The following PLAC8 variants were observed in gnomAD, a reference collection of about 807,000 sequenced individuals.
PLAC8 encodes placenta-specific gene 8 protein.
In PLAC8, 6 loss-of-function variants were observed where a neutral mutation model predicts 12.6. The observed-to-expected ratio is 0.48, with a 90% CI of 0.26 to 0.94. The LOEUF is 0.94. Ranked by LOEUF, PLAC8 falls within the 40% of genes least tolerant of loss-of-function variation. The probability of loss-of-function intolerance (pLI) is 0.14; values close to 1 mark genes in which losing one functional copy is unlikely to be tolerated. For synonymous variants in PLAC8, 54 were observed against 52.6 expected (o/e 1.03, Z -0.11); for missense variants, 122 against 152.7 (o/e 0.80, Z 1.06).
intron 1 of PLAC8, among the ~76,000 whole-genome samples, chr4:83,109,439 AAAG>A (rs1378746481): frequency 2.6e-5 from 4 of 152,184 alleles, no homozygotes; most frequent in Non-Finnish European, 4.4e-5. Context: ...ATTTTCTGCA[AAAG>A]AAGGTTCCAG....
At chr4:83,112,224 A>C (rs931356150) in intron 1 of PLAC8, among the ~76,000 whole-genome samples, 1 of 141,992 alleles carries the variant, frequency 7.0e-6, no homozygotes, top group Admixed American at 7.0e-5. Context: ...ATATGTATAT[A>C]TATATATATA....
intron 3 of PLAC8, among the ~76,000 whole-genome samples, chr4:83,101,245 C>G (rs555661642): frequency 6.6e-6 from 1 of 152,010 alleles, no homozygotes; most frequent in Non-Finnish European, 1.5e-5. Flanking sequence ...CTGGGTGTGG[C>G]GGCACGGGCC....
Position 83,107,842 on chromosome 4 carries a change from T to A in PLAC8, c.80A>T (p.Gln27Leu). Residue 27 changes from glutamine (Q) to leucine (L), a missense_variant, in exon 2 of 5, where the codon CAG (glutamine) becomes CTG (leucine). By Grantham distance (113) the Gln-to-Leu change is moderately radical (BLOSUM62 -2). Transcript: ENST00000311507. ...PGPAPQNSNW[Q>L]TGMCDCFSDC... ...GCTGAAACAGTCACACATGCCTGTC[T>A]GCCAGTTGGAGTTCTGGGGGGCCGG... 6.2e-7 allele frequency: 1 copy of A among 1,609,134 alleles called. No homozygotes were observed. The highest frequency in any genetic ancestry group is 8.5e-7 in the Non-Finnish European group (1 of 1,177,146).
Position 83,090,771 on chromosome 4 carries a change from T to C in PLAC8, c.*210A>G, listed in dbSNP as rs1731790925. On this transcript the variant is annotated 3_prime_UTR_variant, in exon 5 of 5. Coordinates refer to ENST00000311507, the MANE Select transcript of PLAC8 (RefSeq NM_016619.3). ...GCCAGGAAATTCGAATTCGATAATATGAAAGCAAGGAGAAACTAAGTTGCA... is the reference window on the plus strand; with the variant it reads ...GCCAGGAAATTCGAATTCGATAATACGAAAGCAAGGAGAAACTAAGTTGCA... 6.6e-6 allele frequency: 1 copy of C among 151,898 alleles called. No individual in the cohort carries two copies. Among genetic ancestry groups the C allele is most frequent in the South Asian group, 2.1e-4 (1 of 4,820 alleles). 9.4% of individuals were successfully genotyped at this position (151,898 alleles called of 1,614,324 possible).
intron 3 of PLAC8, among the ~76,000 whole-genome samples, chr4:83,095,485 T>C (rs1199424555): frequency 6.6e-6 from 1 of 152,190 alleles, no homozygotes; most frequent in Non-Finnish European, 1.5e-5. Context: ...ATTTACTATA[T>C]GACTCAGCTC....
At chr4:83,112,255 A>C (rs1732442966) in intron 1 of PLAC8, among the ~76,000 whole-genome samples, 1 of 148,874 alleles carries the variant, frequency 6.7e-6, no homozygotes, top group Non-Finnish European at 1.5e-5. Context: ...CTGTATCTCA[A>C]ATATCCATAT....
intron 3 of PLAC8, among the ~76,000 whole-genome samples, chr4:83,095,865 A>T (rs1039937034): frequency 4.6e-5 from 7 of 152,238 alleles, no homozygotes. Flanking sequence ...ATTAGAAAAC[A>T]GTGGCATTTA....
chr4:83,097,004 C>G (rs987252129), intron 3 of PLAC8, among the ~76,000 whole-genome samples: 2 of 152,200 alleles, frequency 1.3e-5, no homozygotes, highest in Non-Finnish European at 2.9e-5. Context: ...GTAGTATTTC[C>G]CTCCTTTTGG....
At chr4:83,097,631 C>G (rs1473731852) in intron 3 of PLAC8, among the ~76,000 whole-genome samples, 2 of 152,122 alleles carry the variant, frequency 1.3e-5, no homozygotes, top group African/African-American at 4.8e-5. Context: ...TCATTTCTGT[C>G]TAATGTCCTA....
At chr4:83,103,732 G>A (rs368545938) in intron 3 of PLAC8, among the ~76,000 whole-genome samples, 5 of 152,234 alleles carry the variant, frequency 3.3e-5, no homozygotes, top group South Asian at 2.1e-4. Context: ...GTGCTGAGGC[G>A]CAATCTGGGC....
In PLAC8 at chr4:83,103,783, C is replaced by T. The variant is rs187519022; in HGVS notation, c.243+1113G>A. Among the ~76,000 whole-genome samples, 10 of 152,300 alleles carry T rather than the reference C, an allele frequency of 6.6e-5. No homozygotes were observed. The East Asian group carries it at 1.7e-3, about 26-fold the overall frequency. ...TCCTGGGTTCAAGCAATTCTCCTGC[C>T]TCAGCCTCCCAAGTAGCTGGGATTA... On this transcript the variant is annotated intron_variant, in intron 3 of 4. Transcript: ENST00000311507.
chr4:83,105,127 G>A (rs779888188), intron 2 of PLAC8, 107 bp from the exon 3 acceptor site: 30 of 1,225,084 alleles, frequency 2.4e-5, no homozygotes, highest in African/African-American at 4.5e-5. Context: ...GGCCTTGGCC[G>A]CAAAGCCTGC....
chr4:83,097,109 A>G lies in PLAC8; in HGVS notation c.244-2318T>C, dbSNP rs536052696. Reference sequence around the variant, plus strand: ...GCTACTTATTTGGTCCTAGAAACGCATGCTGTCCCAGCTCTATTCCTCCAA... The same window carrying G: ...GCTACTTATTTGGTCCTAGAAACGCGTGCTGTCCCAGCTCTATTCCTCCAA... On this transcript the variant is annotated intron_variant, in intron 3 of 4. Coordinates refer to ENST00000311507, the MANE Select transcript of PLAC8 (RefSeq NM_016619.3). 2.6e-5 allele frequency among the ~76,000 whole-genome samples: 4 copies of G among 152,298 alleles called. No homozygotes were observed. In the East Asian group the frequency reaches 5.8e-4, roughly 22 times the overall value.
chr4:83,110,085 A>AAC (rs1560457608), intron 1 of PLAC8, among the ~76,000 whole-genome samples: 1 of 151,878 alleles, frequency 6.6e-6, no homozygotes, highest in East Asian at 1.9e-4. Context: ...GGAGCCGCAA[A>AAC]GCTGGGCAGG....
chr4:83,099,363 A>AT (rs1354786650), intron 3 of PLAC8, among the ~76,000 whole-genome samples: 2 of 151,842 alleles, frequency 1.3e-5, no homozygotes, highest in Admixed American at 1.3e-4. Flanking sequence ...TAAGGGTGCC[A>AT]TTTTTTCCAA....
At chr4:83,107,720 A>C in intron 2 of PLAC8, 84 bp downstream of exon 2, 1 of 590,956 alleles carries the variant, frequency 1.7e-6, no homozygotes. Context: ...TTTTCTACAC[A>C]ATAAGGGAGG....
At chr4:83,101,354 C>A (rs1347256549) in intron 3 of PLAC8, among the ~76,000 whole-genome samples, 1 of 152,182 alleles carries the variant, frequency 6.6e-6, no homozygotes, top group Non-Finnish European at 1.5e-5. Context: ...TGCACTCCAG[C>A]CTGACGACAG....
rs535726448 is a variant in PLAC8, at chr4:83,101,241, G to C, written c.243+3655C>G. On this transcript the variant is annotated intron_variant, in intron 3 of 4. Coordinates refer to ENST00000311507, the MANE Select transcript of PLAC8 (RefSeq NM_016619.3). ...AAAAATACAAAAAAATTAGCTGGGTGTGGCGGCACGGGCCTGTAATCCCAG... is the reference window on the plus strand; with the variant it reads ...AAAAATACAAAAAAATTAGCTGGGTCTGGCGGCACGGGCCTGTAATCCCAG... Among the ~76,000 whole-genome samples the C allele has an allele frequency of 3.9e-5, 6 of 152,298 alleles. No homozygotes were observed. The East Asian group carries it at 1.2e-3, about 29-fold the overall frequency.
chr4:83,102,190 T>C (rs1300289109), intron 3 of PLAC8, among the ~76,000 whole-genome samples: 2 of 152,058 alleles, frequency 1.3e-5, no homozygotes, highest in Admixed American at 6.6e-5. Flanking sequence ...GAAAATAAAT[T>C]GAAAATCTTG....
Sources: gnomAD v4.1 joint callset for allele counts (sites outside exome capture counted in the v4.1 genomes callset) on GRCh38, gnomAD v4.1.1 for gene constraint, MANE v1.5 for transcripts, NCBI Gene and HGNC (gene_info 2026-07-23, HGNC 2026-07-21) for gene names.